Variants in PDE3A observed in about 807,000 individuals in gnomAD.
PDE3A encodes the protein cGMP-inhibited 3',5'-cyclic phosphodiesterase 3A.
Under a neutral mutation model 98.3 loss-of-function variants are expected in PDE3A, and 43 were observed. That is an observed-to-expected ratio of 0.44 (90% confidence interval 0.34 to 0.56). PDE3A has a LOEUF of 0.56. Ranked by LOEUF, PDE3A falls within the 20% of genes least tolerant of loss-of-function variation. The pLI is 0.01. For synonymous variants in PDE3A, 663 were observed against 567.9 expected (o/e 1.17, Z -2.38); for missense variants, 1,427 against 1,440.7 (o/e 0.99, Z 0.15).
At chr12:20,629,305 A>G (rs1332808074) in intron 5 of PDE3A, among the ~76,000 whole-genome samples, 1 of 152,220 alleles carries the variant, frequency 6.6e-6, no homozygotes, top group Non-Finnish European at 1.5e-5. Context: ...GAAATGGATT[A>G]TATTACATTT....
chr12:20,665,980 T>C (rs1485877697), intron 15 of PDE3A, among the ~76,000 whole-genome samples: 1 of 145,228 alleles, frequency 6.9e-6, no homozygotes, highest in African/African-American at 2.6e-5. Context: ...TTTTTTTTTT[T>C]TGAGACCGAG....
At chr12:20,564,711 G>C (rs1482804143) in intron 2 of PDE3A, among the ~76,000 whole-genome samples, 1 of 152,060 alleles carries the variant, frequency 6.6e-6, no homozygotes, top group Non-Finnish European at 1.5e-5. Context: ...TGATGAACAG[G>C]AATCAAATCC....
intron 1 of PDE3A, among the ~76,000 whole-genome samples, chr12:20,446,778 A>G (rs1178329567): frequency 2.0e-5 from 3 of 152,196 alleles, no homozygotes; most frequent in African/African-American, 7.2e-5. Flanking sequence ...ATAGGTAGTT[A>G]TGGGAGATGT....
intron 1 of PDE3A, among the ~76,000 whole-genome samples, chr12:20,473,351 T>A (rs1430695932): frequency 6.6e-6 from 1 of 152,108 alleles, no homozygotes; most frequent in Non-Finnish European, 1.5e-5. Flanking sequence ...CCCCAGAGAA[T>A]CTAATTCAGT....
intron 1 of PDE3A, among the ~76,000 whole-genome samples, chr12:20,500,750 G>C (rs1946007748): frequency 6.7e-6 from 1 of 150,090 alleles, no homozygotes; most frequent in African/African-American, 2.4e-5. Context: ...ATGTGTAAGA[G>C]GCTTTCATTC....
chr12:20,483,990 C>T (rs563852583), intron 1 of PDE3A, among the ~76,000 whole-genome samples: 27 of 152,198 alleles, frequency 1.8e-4, no homozygotes, highest in African/African-American at 5.3e-4. Flanking sequence ...GGTTCCTTTA[C>T]TCCTCCCATA....
At chr12:20,391,379 A>AT (rs1165272615) in intron 1 of PDE3A, among the ~76,000 whole-genome samples, 2 of 135,104 alleles carry the variant, frequency 1.5e-5, no homozygotes, top group Non-Finnish European at 3.1e-5. Context: ...ATATATATAT[A>AT]TATATATATA....
At chr12:20,663,409 G>C (rs2120357087) in intron 15 of PDE3A, among the ~76,000 whole-genome samples, 1 of 152,222 alleles carries the variant, frequency 6.6e-6, no homozygotes. Flanking sequence ...ACCTGGAAAA[G>C]CCACAGGCAG....
At chr12:20,387,018 G>A (rs1374115244) in intron 1 of PDE3A, among the ~76,000 whole-genome samples, 1 of 151,970 alleles carries the variant, frequency 6.6e-6, no homozygotes, top group African/African-American at 2.4e-5. Flanking sequence ...AGGACCATGT[G>A]TTAAATAGGG....
intron 2 of PDE3A, among the ~76,000 whole-genome samples, chr12:20,602,776 A>T (rs1288615960): frequency 6.6e-6 from 1 of 152,214 alleles, no homozygotes; most frequent in Non-Finnish European, 1.5e-5. Context: ...CTTCCTTAGG[A>T]TGGCCTTTAG....
intron 1 of PDE3A, among the ~76,000 whole-genome samples, chr12:20,426,307 G>A (rs1466051306): frequency 6.6e-6 from 1 of 152,112 alleles, no homozygotes; most frequent in East Asian, 1.9e-4. Flanking sequence ...AAAAACATCT[G>A]GAGCTTTTAG....
At chr12:20,426,963 G>A (rs912375145) in intron 1 of PDE3A, among the ~76,000 whole-genome samples, 1 of 152,230 alleles carries the variant, frequency 6.6e-6, no homozygotes, top group Non-Finnish European at 1.5e-5. Context: ...AGACCTGATG[G>A]CACTATTGGT....
At chr12:20,614,991 TC>T (rs1565450046) in intron 3 of PDE3A, among the ~76,000 whole-genome samples, 6 of 45,244 alleles carry the variant, frequency 1.3e-4, no homozygotes, top group South Asian at 1.7e-3. Context: ...CTTTTTCTTT[TC>T]TTTTTTTCTT....
intron 1 of PDE3A, among the ~76,000 whole-genome samples, chr12:20,432,239 T>C (rs1356530928): frequency 6.6e-6 from 1 of 152,198 alleles, no homozygotes; most frequent in Non-Finnish European, 1.5e-5. Flanking sequence ...ACTTTCTAGA[T>C]ATTGTTGAAT....
chr12:20,635,164 T>C (rs1280954333), intron 8 of PDE3A, 108 bp downstream of exon 8: 3 of 966,092 alleles, frequency 3.1e-6, no homozygotes, highest in Non-Finnish European at 4.7e-6. Flanking sequence ...CTCACACCTG[T>C]AATCCCAACA....
chr12:20,632,217 C>G (rs1944396657), intron 6 of PDE3A, among the ~76,000 whole-genome samples: 1 of 152,134 alleles, frequency 6.6e-6, no homozygotes, highest in Admixed American at 6.6e-5. Context: ...CTAACCCAAA[C>G]TGACAGATTT....
intron 1 of PDE3A, among the ~76,000 whole-genome samples, chr12:20,546,725 C>T (rs1208719736): frequency 6.6e-6 from 1 of 151,902 alleles, no homozygotes; most frequent in African/African-American, 2.4e-5. Flanking sequence ...AAAAACAAAA[C>T]CCATATGTAA....
At position 20,686,662 on chromosome 12, in the gene PDE3A, A is replaced by G. The variant is rs1050466328; in HGVS notation, c.*6391A>G. 6.6e-6 allele frequency among the ~76,000 whole-genome samples: 1 copy of G among 152,192 alleles called. No individual in the cohort carries two copies. Among genetic ancestry groups the G allele is most frequent in the African/African-American group, 2.4e-5 (1 of 41,462 alleles). On this transcript the variant is annotated 3_prime_UTR_variant, in exon 16 of 16. Transcript: ENST00000359062. The stretch of plus-strand genomic sequence containing the variant: ...CAAAACAAAAACCAGATGAAGAAAA[A>G]ACAAAGACAAACTCATAGGAGGAAA...
chr12:20,466,955 G>C (rs1267174935), intron 1 of PDE3A, among the ~76,000 whole-genome samples: 1 of 152,116 alleles, frequency 6.6e-6, no homozygotes, highest in Non-Finnish European at 1.5e-5. Context: ...GAACTCCAGA[G>C]TTGAATTCAA....
Sources: allele counts gnomAD v4.1 joint callset (sites outside exome capture counted in the v4.1 genomes callset), GRCh38; gene constraint gnomAD v4.1.1; transcripts MANE v1.5; gene names NCBI Gene and HGNC (gene_info 2026-07-23, HGNC 2026-07-21).